EIF4G3: variants seen among roughly 807,000 people sequenced by gnomAD.
EIF4G3 encodes the protein eIF-4-gamma 3.
A neutral mutation model predicts 186.4 loss-of-function variants in EIF4G3; 34 were observed. The ratio of observed to expected loss-of-function variants is 0.18; its 90% CI spans 0.14 to 0.24. The LOEUF (loss-of-function observed/expected upper bound fraction) is 0.24. Ranked by LOEUF, EIF4G3 falls within the 10% of genes least tolerant of loss-of-function variation. The pLI is 1.00. For missense variants in EIF4G3, 1,536 were observed against 1,948.5 expected (o/e 0.79, Z 3.99); for synonymous variants, 673 against 679.5 (o/e 0.99, Z 0.15).
chr1:21,092,617 A>G (rs1349243337), intron 2 of EIF4G3, among the ~76,000 whole-genome samples: 1 of 152,162 alleles, frequency 6.6e-6, no homozygotes, highest in Non-Finnish European at 1.5e-5. Context: ...TTCATCTGGA[A>G]CCAAAAAAGG....
chr1:20,848,474 C>T (rs1177990055), intron 29 of EIF4G3, among the ~76,000 whole-genome samples: 1 of 152,166 alleles, frequency 6.6e-6, no homozygotes, highest in African/African-American at 2.4e-5. Flanking sequence ...AGTTAAGTAA[C>T]TGCTAGTGGA....
At chr1:20,829,562 AT>A (rs2064564111) in intron 30 of EIF4G3, among the ~76,000 whole-genome samples, 1 of 152,224 alleles carries the variant, frequency 6.6e-6, no homozygotes. Context: ...TAAAGGTGAC[AT>A]TTGAAAGCCT....
intron 4 of EIF4G3, among the ~76,000 whole-genome samples, chr1:21,015,743 T>C (rs1174748046): frequency 2.6e-5 from 3 of 113,214 alleles, no homozygotes; most frequent in African/African-American, 1.0e-4. Context: ...TTATTCAACA[T>C]GCTGAAAGGA....
chr1:21,026,106 G>A lies in EIF4G3; in HGVS notation c.-66-23298C>T, dbSNP rs908804485. Among the ~76,000 whole-genome samples, 3 of 151,914 alleles carry A rather than the reference G, an allele frequency of 2.0e-5. No individual in the cohort carries two copies. In the South Asian group the frequency reaches 6.2e-4, roughly 31 times the overall value. ...AGTCTGGATAGCCAAAACAATAGCTGAAAAGAAAAAAGCTGGAGGCCTCAC... is the reference window on the plus strand; with the variant it reads ...AGTCTGGATAGCCAAAACAATAGCTAAAAAGAAAAAAGCTGGAGGCCTCAC... On this transcript the variant is annotated intron_variant, in intron 4 of 36. Coordinates refer to ENST00000602326, the MANE Select transcript of EIF4G3 (RefSeq NM_001391906.1).
At chr1:20,922,551 C>T (rs2094559123) in intron 14 of EIF4G3, among the ~76,000 whole-genome samples, 1 of 152,206 alleles carries the variant, frequency 6.6e-6, no homozygotes, top group African/African-American at 2.4e-5. Flanking sequence ...CCCGCCTGGG[C>T]CTCCCAAAGT....
chr1:21,074,206 C>T (rs935518700), intron 3 of EIF4G3, among the ~76,000 whole-genome samples: 2 of 152,126 alleles, frequency 1.3e-5, no homozygotes, highest in Non-Finnish European at 2.9e-5. Context: ...TTGTTGCATG[C>T]ACTTGGATGT....
At chr1:21,149,163 C>A (rs1030966415) in intron 2 of EIF4G3, among the ~76,000 whole-genome samples, 2 of 151,466 alleles carry the variant, frequency 1.3e-5, no homozygotes, top group Non-Finnish European at 2.9e-5. Context: ...TACAAAGTTA[C>A]ATTTACAGTA....
intron 14 of EIF4G3, among the ~76,000 whole-genome samples, chr1:20,923,725 T>C (rs1348952772): frequency 1.3e-5 from 2 of 151,768 alleles, no homozygotes; most frequent in Non-Finnish European, 2.9e-5. Context: ...TTAACCTTAA[T>C]ATGTGGGAGC....
intron 4 of EIF4G3, among the ~76,000 whole-genome samples, chr1:21,046,311 G>A (rs1027503686): frequency 3.3e-5 from 5 of 152,192 alleles, no homozygotes; most frequent in African/African-American, 7.2e-5. Flanking sequence ...CAGAGAGGAC[G>A]AAGCTAGAAA....
intron 4 of EIF4G3, among the ~76,000 whole-genome samples, chr1:21,049,944 A>G (rs2094117786): frequency 6.6e-6 from 1 of 152,180 alleles, no homozygotes; most frequent in Admixed American, 6.5e-5. Flanking sequence ...AAGAATAAAA[A>G]ATAAAATCAG....
chr1:21,005,008 ATAAT>A (rs2084654786), intron 4 of EIF4G3, among the ~76,000 whole-genome samples: 2 of 152,166 alleles, frequency 1.3e-5, no homozygotes, highest in Admixed American at 6.5e-5. Flanking sequence ...TGTCTATCAA[ATAAT>A]TAATAAATGG....
At chr1:21,000,475 C>T (rs983741060) in intron 6 of EIF4G3, among the ~76,000 whole-genome samples, 1 of 152,074 alleles carries the variant, frequency 6.6e-6, no homozygotes. Flanking sequence ...TAACAGCTTA[C>T]CTCTCCTCAC....
intron 25 of EIF4G3, among the ~76,000 whole-genome samples, chr1:20,855,697 C>T (rs1199698856): frequency 3.3e-5 from 5 of 152,106 alleles, no homozygotes; most frequent in African/African-American, 9.7e-5. Context: ...TGTAATGTAG[C>T]GCTTTGTAAA....
chr1:21,049,152 T>C (rs942358474), intron 4 of EIF4G3, among the ~76,000 whole-genome samples: 18 of 152,154 alleles, frequency 1.2e-4, no homozygotes, highest in African/African-American at 3.9e-4. Flanking sequence ...CTATAAGAGA[T>C]TGGTGCTGGA....
chr1:20,996,891 G>A (rs1057507462), intron 7 of EIF4G3, among the ~76,000 whole-genome samples: 1 of 152,106 alleles, frequency 6.6e-6, no homozygotes, highest in African/African-American at 2.4e-5. Context: ...AAAGCTACTG[G>A]GGGGTTGGAG....
intron 2 of EIF4G3, among the ~76,000 whole-genome samples, chr1:21,098,947 A>G (rs151006151): frequency 1.3e-5 from 2 of 152,302 alleles, no homozygotes; most frequent in African/African-American, 4.8e-5. Context: ...TCAAATGGGG[A>G]AAAGTTTTAA....
intron 3 of EIF4G3, among the ~76,000 whole-genome samples, chr1:21,086,983 G>C (rs2101054644): frequency 6.6e-6 from 1 of 151,464 alleles, no homozygotes; most frequent in African/African-American, 2.4e-5. Context: ...ATGGACATCT[G>C]GGAAACTCTG....
chr1:20,855,612 A>G (rs1017593138), intron 25 of EIF4G3, among the ~76,000 whole-genome samples: 5 of 152,224 alleles, frequency 3.3e-5, no homozygotes, highest in African/African-American at 1.2e-4. Context: ...TAATCTTCCA[A>G]GCACAACTTT....
chr1:21,158,351 T>C (rs2097699474), intron 2 of EIF4G3, among the ~76,000 whole-genome samples: 1 of 151,632 alleles, frequency 6.6e-6, no homozygotes, highest in African/African-American at 2.4e-5. Flanking sequence ...AATTTTTGTA[T>C]TTTTGGTAGA....
Sources: gnomAD v4.1 joint callset for allele counts (sites outside exome capture counted in the v4.1 genomes callset) on GRCh38, gnomAD v4.1.1 for gene constraint, MANE v1.5 for transcripts, NCBI Gene and HGNC (gene_info 2026-07-23, HGNC 2026-07-21) for gene names.